ALDH1A2: variants seen among roughly 807,000 people sequenced by gnomAD.
ALDH1A2 encodes aldehyde dehydrogenase 1 family member A2.
A neutral mutation model predicts 60.3 loss-of-function variants in ALDH1A2; 27 were observed. The ratio of observed to expected loss-of-function variants is 0.45; its 90% CI spans 0.33 to 0.62. ALDH1A2 has a LOEUF of 0.62. Among genes scored for constraint, ALDH1A2 ranks in the 20% least tolerant of loss-of-function variants. The probability of loss-of-function intolerance (pLI) is 0.02; values close to 1 mark genes in which losing one functional copy is unlikely to be tolerated. For missense variants in ALDH1A2, 581 were observed against 643.8 expected, an observed-to-expected ratio of 0.90 and a Z score of 1.06; for synonymous variants, 289 against 232.4, an observed-to-expected ratio of 1.24 and a Z score of -2.21.
intron 1 of ALDH1A2, among the ~76,000 whole-genome samples, chr15:58,024,689 T>A: frequency 6.6e-6 from 1 of 152,168 alleles, no homozygotes; most frequent in Non-Finnish European, 1.5e-5. Context: ...GGATTTAAAC[T>A]AGACTTTACA....
chr15:58,026,668 T>C (rs1448436383), intron 1 of ALDH1A2, among the ~76,000 whole-genome samples: 1 of 152,158 alleles, frequency 6.6e-6, no homozygotes, highest in Non-Finnish European at 1.5e-5. Flanking sequence ...CTTGCCCAAA[T>C]ACTGTGCTAT....
intron 3 of ALDH1A2, 88 bp downstream of exon 3, chr15:58,013,770 A>C (rs1895704817): frequency 6.6e-7 from 1 of 1,513,152 alleles, no homozygotes; most frequent in Non-Finnish European, 8.9e-7. Flanking sequence ...AAATAAATAA[A>C]AATAAAATAA....
At chr15:57,988,581 G>A (rs985885559) in intron 7 of ALDH1A2, among the ~76,000 whole-genome samples, 1 of 152,152 alleles carries the variant, frequency 6.6e-6, no homozygotes, top group Admixed American at 6.5e-5. Context: ...AGAAGCCAAG[G>A]GTGTTACCTG....
At chr15:57,967,270 G>A (rs1306801451) in intron 7 of ALDH1A2, among the ~76,000 whole-genome samples, 1 of 152,032 alleles carries the variant, frequency 6.6e-6, no homozygotes, top group East Asian at 1.9e-4. Flanking sequence ...CTGTAGGGGG[G>A]GATAAAAATA....
intron 4 of ALDH1A2, among the ~76,000 whole-genome samples, chr15:57,996,077 A>C (rs35376151): frequency 0.01 from 1,545 of 152,192 alleles, 23 homozygotes; most frequent in African/African-American, 0.036. Flanking sequence ...CAGTCCCCTA[A>C]GGCAAGTGAA....
chr15:58,023,909 C>T (rs1438505909), intron 1 of ALDH1A2, among the ~76,000 whole-genome samples: 1 of 152,074 alleles, frequency 6.6e-6, no homozygotes, highest in African/African-American at 2.4e-5. Flanking sequence ...CTGACCAAAT[C>T]ATGGAGAAAC....
At chr15:58,049,318 C>T (rs1309991624) in intron 1 of ALDH1A2, among the ~76,000 whole-genome samples, 1 of 152,010 alleles carries the variant, frequency 6.6e-6, no homozygotes, top group African/African-American at 2.4e-5. Flanking sequence ...GATGGTGTGA[C>T]TTAGATGTGT....
At position 57,965,724 on chromosome 15, in the gene ALDH1A2, C is replaced by T. The variant is rs1158863058; in HGVS notation, c.901+1G>A. 1.9e-6 allele frequency: 3 copies of T among 1,602,890 alleles called. No homozygotes were observed. The highest frequency in any genetic ancestry group is 2.7e-5 in the African/African-American group (2 of 74,710). ...ATGTATGGGACCTGTAGTTGACTTA[C>T]AGTCAGCATCAGCAAAAATAATATT... On this transcript the variant is annotated splice_donor_variant, in intron 8 of 12. Transcript: ENST00000249750. LOFTEE classifies it high-confidence loss of function.
chr15:58,037,657 T>A (rs1222785451), intron 1 of ALDH1A2, among the ~76,000 whole-genome samples: 1 of 151,654 alleles, frequency 6.6e-6, no homozygotes, highest in Non-Finnish European at 1.5e-5. Flanking sequence ...ATGCTTTTGG[T>A]TTTGGTCAAT....
chr15:58,001,947 G>C (rs1895289413), intron 4 of ALDH1A2, among the ~76,000 whole-genome samples: 1 of 151,816 alleles, frequency 6.6e-6, no homozygotes, highest in Non-Finnish European at 1.5e-5. Context: ...GAAAAGATGA[G>C]AGATCAAAAC....
In ALDH1A2 at chr15:57,954,727, T is replaced by C; in HGVS notation, c.*470A>G. ...TGGCTTTACAACCTTGAAAAATTGT[T>C]CCCGGCCCAAACATCTGCCCCAGAA... is the stretch of plus-strand genomic sequence containing the variant. On this transcript the variant is annotated 3_prime_UTR_variant, in exon 13 of 13. Coordinates refer to ENST00000249750, the MANE Select transcript of ALDH1A2 (RefSeq NM_003888.4). 1 of 191,442 alleles carries C rather than the reference T, an allele frequency of 5.2e-6. No individual in the cohort carries two copies. The highest frequency in any genetic ancestry group is 1.1e-4 in the East Asian group (1 of 8,888). The allele number at this position is 191,442 out of a possible 1,614,324, so 11.9% of individuals were successfully genotyped here.
chr15:57,960,629 AGCTTATAGTAGCATGT>A, intron 12 of ALDH1A2, 125 bp downstream of exon 12: 1 of 720,928 alleles, frequency 1.4e-6, no homozygotes, highest in Non-Finnish European at 2.4e-6. Flanking sequence ...AATAGAACTT[AGCTTATAGTAGCATGT>A]GCTCCACGAA....
chr15:57,997,971 G>A (rs1895121045), intron 4 of ALDH1A2, among the ~76,000 whole-genome samples: 3 of 151,622 alleles, frequency 2.0e-5, no homozygotes, highest in Admixed American at 2.0e-4. Context: ...AAAGAAAGGA[G>A]GCTACTTTCA....
chr15:57,970,037 G>A (rs1596071312), intron 7 of ALDH1A2, among the ~76,000 whole-genome samples: 1 of 152,308 alleles, frequency 6.6e-6, no homozygotes, highest in East Asian at 1.9e-4. Context: ...CTCTCCCTTA[G>A]TACTCCAGTT....
chr15:58,051,808 A>G (rs1896784364), intron 1 of ALDH1A2, among the ~76,000 whole-genome samples: 1 of 152,172 alleles, frequency 6.6e-6, no homozygotes, highest in South Asian at 2.1e-4. Context: ...ACTGACCTGC[A>G]AAGTGCTAAG....
intron 7 of ALDH1A2, chr15:57,980,032 A>T: frequency 3.1e-6 from 1 of 326,570 alleles, no homozygotes; most frequent in East Asian, 8.3e-5. Flanking sequence ...GAGGCCAATG[A>T]TCGAGTGGTC....
At chr15:58,007,461 C>T (rs2140510270) in intron 4 of ALDH1A2, among the ~76,000 whole-genome samples, 1 of 152,080 alleles carries the variant, frequency 6.6e-6, no homozygotes, top group African/African-American at 2.4e-5. Context: ...ATGGCTTAGG[C>T]AGAACAACAC....
intron 1 of ALDH1A2, among the ~76,000 whole-genome samples, chr15:58,034,981 C>G (rs1469998505): frequency 6.6e-6 from 1 of 151,600 alleles, no homozygotes; most frequent in African/African-American, 2.4e-5. Flanking sequence ...TAACGATGGC[C>G]TCATAAAATG....
intron 5 of ALDH1A2, among the ~76,000 whole-genome samples, chr15:57,994,393 G>C (rs1481521946): frequency 6.6e-6 from 1 of 152,120 alleles, no homozygotes; most frequent in African/African-American, 2.4e-5. Flanking sequence ...TGTCTATACT[G>C]TAAGAGTTTA....
Sources: gnomAD v4.1 joint callset for allele counts (sites outside exome capture counted in the v4.1 genomes callset) on GRCh38, gnomAD v4.1.1 for gene constraint, MANE v1.5 for transcripts, NCBI Gene and HGNC (gene_info 2026-07-23, HGNC 2026-07-21) for gene names.